The following RABGAP1L variants were observed in gnomAD, a reference collection of about 807,000 sequenced individuals.
The protein encoded by RABGAP1L is RAB GTPase activating protein 1 like.
In RABGAP1L, 63 loss-of-function variants were observed where a neutral mutation model predicts 137.7. That is an observed-to-expected ratio of 0.46 (90% confidence interval 0.37 to 0.56). The LOEUF (loss-of-function observed/expected upper bound fraction) is 0.56, where lower values mean the gene tolerates loss of function less well. Among genes scored for constraint, RABGAP1L ranks in the 20% least tolerant of loss-of-function variants. RABGAP1L has a pLI of 0.00. For missense variants in RABGAP1L, 1,095 were observed against 1,244.0 expected (o/e 0.88, Z 1.80); for synonymous variants, 431 against 433.7 (o/e 0.99, Z 0.08).
rs369898241 is a variant in RABGAP1L at position 174,434,215 on chromosome 1, A to G, written c.1710+40070A>G. On this transcript the variant is annotated intron_variant, in intron 13 of 25. Coordinates refer to ENST00000681986, the MANE Select transcript of RABGAP1L (RefSeq NM_001366446.1). ...AAAAATTAGTTTTTCCCATTTCAGA[A>G]CTTCATATAAAATCATGCAATGTGT... is the stretch of plus-strand genomic sequence containing the variant. Among the ~76,000 whole-genome samples the G allele has an allele frequency of 2.4e-4, 37 of 151,996 alleles. 1 individual carries two copies. The South Asian group carries it at 7.7e-3, about 32-fold the overall frequency.
At chr1:174,284,542 C>T (rs1015348547) in intron 10 of RABGAP1L, among the ~76,000 whole-genome samples, 1 of 152,046 alleles carries the variant, frequency 6.6e-6, no homozygotes, top group Non-Finnish European at 1.5e-5. Context: ...ACATGGAGTG[C>T]AGATATGTCA....
At chr1:174,770,020 A>C (rs553555006) in intron 18 of RABGAP1L, among the ~76,000 whole-genome samples, 2 of 152,304 alleles carry the variant, frequency 1.3e-5, no homozygotes, top group East Asian at 3.9e-4. Context: ...GTTAATATTC[A>C]TGTTACAAAA....
chr1:174,215,756 A>G (rs1669260420), intron 1 of RABGAP1L, among the ~76,000 whole-genome samples: 2 of 152,162 alleles, frequency 1.3e-5, no homozygotes, highest in Admixed American at 1.3e-4. Flanking sequence ...TATGAAGAAC[A>G]GTTTATATGT....
chr1:174,645,299 T>G (rs540363130), intron 14 of RABGAP1L, among the ~76,000 whole-genome samples: 1 of 152,198 alleles, frequency 6.6e-6, no homozygotes, highest in South Asian at 2.1e-4. Flanking sequence ...CAGGTTTGTT[T>G]CATAGGTATA....
rs1309403889 is a variant in RABGAP1L at position 174,633,364 on chromosome 1, C to G, written c.1711-4011C>G. Among the ~76,000 whole-genome samples the G allele has an allele frequency of 5.3e-4, 78 of 148,234 alleles. 1 individual carries two copies. In the South Asian group the frequency reaches 0.017, roughly 33 times the overall value. Reference sequence around the variant, plus strand: ...CCTCTTCAAGGAGAACTACAAACCACTGCTCAAGGAAATAAAAGAGGATAC... The same window carrying G: ...CCTCTTCAAGGAGAACTACAAACCAGTGCTCAAGGAAATAAAAGAGGATAC... On this transcript the variant is annotated intron_variant, in intron 13 of 25. Coordinates refer to ENST00000681986, the MANE Select transcript of RABGAP1L (RefSeq NM_001366446.1).
Position 174,752,294 on chromosome 1 carries a change from C to G in RABGAP1L, c.2170-19C>G, listed in dbSNP as rs894201926. On this transcript the variant is annotated intron_variant, in intron 17 of 25. Coordinates refer to ENST00000681986, the MANE Select transcript of RABGAP1L (RefSeq NM_001366446.1). ...ATACATGTGGCAGTACTAATCTTCA[C>G]TTTCTTTTTCTATTTCAGGGTTTGA... 3.2e-6 allele frequency: 5 copies of G among 1,561,090 alleles called. No homozygotes were observed. The highest frequency in any genetic ancestry group is 4.4e-6 in the Non-Finnish European group (5 of 1,145,754).
chr1:174,332,222 G>C (rs1019901841), intron 11 of RABGAP1L, among the ~76,000 whole-genome samples: 2 of 152,044 alleles, frequency 1.3e-5, no homozygotes, highest in Non-Finnish European at 2.9e-5. Context: ...GGGTATTTTG[G>C]CAAGTCCCAA....
intron 11 of RABGAP1L, among the ~76,000 whole-genome samples, chr1:174,347,573 A>G (rs1682562150): frequency 6.6e-6 from 1 of 151,422 alleles, no homozygotes. Flanking sequence ...GCTCACTGCA[A>G]GCTCCACCTG....
intron 13 of RABGAP1L, among the ~76,000 whole-genome samples, chr1:174,584,687 A>C (rs1422164000): frequency 1.3e-5 from 2 of 152,226 alleles, no homozygotes; most frequent in African/African-American, 4.8e-5. Context: ...TGATAGATAG[A>C]AGAAGCAAAA....
intron 13 of RABGAP1L, among the ~76,000 whole-genome samples, chr1:174,568,400 GTAT>G (rs1667728054): frequency 6.6e-6 from 1 of 152,148 alleles, no homozygotes; most frequent in Admixed American, 6.6e-5. Flanking sequence ...TAACATCAAA[GTAT>G]TATTATGAGG....
At chr1:174,958,169 C>T in intron 20 of RABGAP1L, 1 of 1,441,186 alleles carries the variant, frequency 6.9e-7, no homozygotes, top group Non-Finnish European at 9.2e-7. Flanking sequence ...ATAAAAATCA[C>T]AAAGGTATAT....
At chr1:174,176,643 C>T (rs1665874075) in intron 1 of RABGAP1L, among the ~76,000 whole-genome samples, 1 of 122,512 alleles carries the variant, frequency 8.2e-6, no homozygotes. Flanking sequence ...GCCTAGGAGG[C>T]GGAGGTTGCA....
At chr1:174,534,802 A>AAAAAAAAT (rs1553324953) in intron 13 of RABGAP1L, among the ~76,000 whole-genome samples, 7 of 137,266 alleles carry the variant, frequency 5.1e-5, no homozygotes, top group Admixed American at 1.5e-4. Flanking sequence ...AAAAAAAAAA[A>AAAAAAAAT]AATAATTAGA....
intron 19 of RABGAP1L, among the ~76,000 whole-genome samples, chr1:174,879,263 G>A (rs1193050536): frequency 6.6e-6 from 1 of 152,142 alleles, no homozygotes; most frequent in Non-Finnish European, 1.5e-5. Context: ...ACCATGCCCA[G>A]CTAATTTTTG....
At chr1:174,568,593 G>A (rs999411448) in intron 13 of RABGAP1L, among the ~76,000 whole-genome samples, 2 of 152,164 alleles carry the variant, frequency 1.3e-5, no homozygotes, top group African/African-American at 2.4e-5. Context: ...TAAAGAAAGA[G>A]GAGTTGTAAG....
intron 13 of RABGAP1L, among the ~76,000 whole-genome samples, chr1:174,522,137 C>T (rs890010874): frequency 2.6e-5 from 4 of 152,038 alleles, no homozygotes; most frequent in African/African-American, 2.4e-5. Context: ...ACAGCTAGGC[C>T]GTCATACAGT....
chr1:174,669,259 A>G (rs1677013109), intron 14 of RABGAP1L, among the ~76,000 whole-genome samples: 2 of 152,054 alleles, frequency 1.3e-5, no homozygotes, highest in Admixed American at 6.6e-5. Flanking sequence ...CTCACTCACT[A>G]TCATGAGAAA....
chr1:174,791,752 A>G (rs1230442365), intron 18 of RABGAP1L, among the ~76,000 whole-genome samples: 1 of 152,218 alleles, frequency 6.6e-6, no homozygotes, highest in Non-Finnish European at 1.5e-5. Context: ...GCTCTTACAG[A>G]GACGCTGTGG....
chr1:174,933,358 C>T lies in RABGAP1L; in HGVS notation c.2341-24099C>T, dbSNP rs139818314. Among the ~76,000 whole-genome samples the T allele has an allele frequency of 4.1e-4, 63 of 152,134 alleles. 3 individuals carry two copies. The East Asian group carries it at 5.8e-3, about 14-fold the overall frequency. On this transcript the variant is annotated intron_variant, in intron 19 of 25. Coordinates refer to ENST00000681986, the MANE Select transcript of RABGAP1L (RefSeq NM_001366446.1). ...CCATGGATGCCTTTCTGACATTCTG[C>T]TTGGGCTCCAACACATCTGTGTCAG...
Sources: gnomAD v4.1 joint callset for allele counts (sites outside exome capture counted in the v4.1 genomes callset) on GRCh38, gnomAD v4.1.1 for gene constraint, MANE v1.5 for transcripts, NCBI Gene and HGNC (gene_info 2026-07-23, HGNC 2026-07-21) for gene names.